DGCR2: variants seen among roughly 807,000 people sequenced by gnomAD.
The protein encoded by DGCR2 is integral membrane protein DGCR2/IDD.
Under a neutral mutation model 51.6 loss-of-function variants are expected in DGCR2, and 24 were observed. That is an observed-to-expected ratio of 0.47 (90% CI 0.34 to 0.65). DGCR2 has a LOEUF of 0.65. DGCR2 is among the 30% of genes least tolerant of loss of function. The pLI is 0.01. For missense variants in DGCR2, 765 were observed against 772.1 expected, an observed-to-expected ratio of 0.99 and a Z score of 0.11; for synonymous variants, 340 against 315.4, an observed-to-expected ratio of 1.08 and a Z score of -0.82.
At chr22:19,121,895 C>T (rs575565032) in intron 1 of DGCR2, 5 of 264,248 alleles carry the variant, frequency 1.9e-5, no homozygotes, top group Middle Eastern at 1.1e-3. Flanking sequence ...CGGGAAGGGC[C>T]CAGAGGCAAC....
At chr22:19,116,578 G>C (rs1271586110) in intron 1 of DGCR2, among the ~76,000 whole-genome samples, 1 of 152,176 alleles carries the variant, frequency 6.6e-6, no homozygotes, top group African/African-American at 2.4e-5. Flanking sequence ...AAAGGAAAGA[G>C]GACGGTCATC....
At chr22:19,108,398 G>A (rs1480260524) in intron 1 of DGCR2, among the ~76,000 whole-genome samples, 1 of 151,094 alleles carries the variant, frequency 6.6e-6, no homozygotes, top group Non-Finnish European at 1.5e-5. Flanking sequence ...CAGGGATCCA[G>A]TCTCTACAAA....
chr22:19,038,987 CAG>C lies in DGCR2; in HGVS notation c.1529_1530del (p.Ser510CysfsTer12), dbSNP rs564788034. On this transcript the variant is annotated frameshift_variant, in exon 10 of 10. Transcript: ENST00000263196. LOFTEE classifies it low-confidence loss of function (END_TRUNC). ...AGASLADLED[S>X]ADSSSALLVP... ...ACGAGCAGGGCGCTGCTGCTGTCGGCAGAGTCTTCCAGGTCTGCCAGAGAGGC... is the reference window on the plus strand; with the variant it reads ...ACGAGCAGGGCGCTGCTGCTGTCGGCAGTCTTCCAGGTCTGCCAGAGAGGC... 3.7e-4 allele frequency: 598 copies of C among 1,611,768 alleles called. No individual in the cohort carries two copies. The African/African-American group carries it at 4.5e-3, about 12-fold the overall frequency.
intron 1 of DGCR2, among the ~76,000 whole-genome samples, chr22:19,105,441 A>T (rs1033566362): frequency 2.0e-5 from 3 of 152,216 alleles, no homozygotes; most frequent in African/African-American, 7.2e-5. Flanking sequence ...GTCCTGAGGC[A>T]AGAGTGAATA....
intron 1 of DGCR2, among the ~76,000 whole-genome samples, chr22:19,119,735 C>CAAAAAA (rs57362176): frequency 6.4e-5 from 5 of 78,136 alleles, no homozygotes; most frequent in African/African-American, 1.5e-4. Flanking sequence ...GACTCTGTCT[C>CAAAAAA]AAAAAAAAAA....
intron 2 of DGCR2, among the ~76,000 whole-genome samples, chr22:19,076,327 A>AT (rs555128002): frequency 3.4e-5 from 5 of 147,724 alleles, no homozygotes; most frequent in African/African-American, 1.3e-4. Context: ...TACTCGGCTA[A>AT]TTTTTTTTTA....
chr22:19,074,208 T>G (rs1431859396), intron 2 of DGCR2, among the ~76,000 whole-genome samples: 4 of 151,930 alleles, frequency 2.6e-5, no homozygotes, highest in Non-Finnish European at 4.4e-5. Flanking sequence ...GGCGATCGCT[T>G]AAGGTCAAGA....
At chr22:19,084,943 T>C (rs1017510517) in intron 2 of DGCR2, among the ~76,000 whole-genome samples, 11 of 152,088 alleles carry the variant, frequency 7.2e-5, no homozygotes, top group Admixed American at 5.9e-4. Flanking sequence ...CAACAGCTCA[T>C]TGAGAACGGG....
intron 3 of DGCR2, among the ~76,000 whole-genome samples, chr22:19,066,650 G>GGGA (rs1008471401): frequency 6.6e-6 from 1 of 152,202 alleles, no homozygotes; most frequent in African/African-American, 2.4e-5. Context: ...AAGCCCTGTA[G>GGGA]GGAGGGAAGC....
chr22:19,104,843 T>C (rs2083244771), intron 1 of DGCR2, among the ~76,000 whole-genome samples: 2 of 152,210 alleles, frequency 1.3e-5, no homozygotes, highest in Admixed American at 1.3e-4. Flanking sequence ...TCCATACAAG[T>C]TGCTACTAGG....
chr22:19,099,229 C>T (rs2083173692), intron 1 of DGCR2, among the ~76,000 whole-genome samples: 1 of 152,212 alleles, frequency 6.6e-6, no homozygotes, highest in African/African-American at 2.4e-5. Context: ...CAGCACAGCA[C>T]ACCAGATGGT....
chr22:19,107,916 C>G (rs2083275307), intron 1 of DGCR2, among the ~76,000 whole-genome samples: 1 of 152,240 alleles, frequency 6.6e-6, no homozygotes, highest in Non-Finnish European at 1.5e-5. Flanking sequence ...AGAGAAAGAA[C>G]AGCTGTAGTC....
intron 2 of DGCR2, among the ~76,000 whole-genome samples, chr22:19,073,245 CAGTG>C (rs1479020152): frequency 1.3e-5 from 2 of 152,090 alleles, no homozygotes; most frequent in Non-Finnish European, 2.9e-5. Flanking sequence ...GCCTGAGTGA[CAGTG>C]AGACCTGTCA....
chr22:19,073,903 G>A (rs1165175233), intron 2 of DGCR2, among the ~76,000 whole-genome samples: 4 of 152,164 alleles, frequency 2.6e-5, no homozygotes, highest in Non-Finnish European at 5.9e-5. Flanking sequence ...ACAGGTGAGA[G>A]TGACTGATTC....
At chr22:19,095,816 G>A (rs1037999664) in intron 1 of DGCR2, among the ~76,000 whole-genome samples, 1 of 151,722 alleles carries the variant, frequency 6.6e-6, no homozygotes, top group African/African-American at 2.4e-5. Flanking sequence ...CTGACCACAA[G>A]GCTAAAAATC....
intron 1 of DGCR2, among the ~76,000 whole-genome samples, chr22:19,096,882 T>TAAAAAAAAA (rs991223620): frequency 9.3e-6 from 1 of 107,194 alleles, no homozygotes; most frequent in African/African-American, 4.1e-5. Flanking sequence ...TCCATTCTAT[T>TAAAAAAAAA]AAAAAAAAAA....
At chr22:19,116,278 G>A (rs1164614606) in intron 1 of DGCR2, among the ~76,000 whole-genome samples, 1 of 152,212 alleles carries the variant, frequency 6.6e-6, no homozygotes, top group African/African-American at 2.4e-5. Flanking sequence ...GAAGGTCCAG[G>A]GCATCTGGGT....
chr22:19,103,416 C>CTTTTTT lies in DGCR2; in HGVS notation c.80-13932_80-13927dup, dbSNP rs55877455. Among the ~76,000 whole-genome samples, 70 of 67,734 alleles carry CTTTTTT rather than the reference C, an allele frequency of 1.0e-3. 4 individuals are homozygous for CTTTTTT. The highest frequency in any genetic ancestry group is 2.0e-3 in the South Asian group (3 of 1,496). 44.4% of individuals were successfully genotyped at this position (67,734 alleles called of 152,430 possible). On this transcript the variant is annotated intron_variant, in intron 1 of 9. Coordinates refer to ENST00000263196, the MANE Select transcript of DGCR2 (RefSeq NM_005137.3). Reference sequence around the variant, plus strand: ...GTATTTTACCACAATAAAAAAAGTTCTTTTTTTTTTTTTTTTTTTTTTTTT... The same window carrying CTTTTTT: ...GTATTTTACCACAATAAAAAAAGTTCTTTTTTTTTTTTTTTTTTTTTTTTTTTTTTT...
intron 2 of DGCR2, among the ~76,000 whole-genome samples, chr22:19,088,720 C>T (rs1444827616): frequency 6.6e-6 from 1 of 152,192 alleles, no homozygotes; most frequent in East Asian, 1.9e-4. Flanking sequence ...CACACACATG[C>T]ACAAGTACTC....
Sources: gnomAD v4.1 joint callset for allele counts (sites outside exome capture counted in the v4.1 genomes callset) on GRCh38, gnomAD v4.1.1 for gene constraint, MANE v1.5 for transcripts, NCBI Gene and HGNC (gene_info 2026-07-23, HGNC 2026-07-21) for gene names.